The following EPM2A variants were observed in gnomAD, a reference collection of about 807,000 sequenced individuals.
EPM2A encodes the protein laforin.
A neutral mutation model predicts 26.5 loss-of-function variants in EPM2A; 21 were observed. The observed-to-expected ratio is 0.79, with a 90% CI of 0.56 to 1.14. The LOEUF (loss-of-function observed/expected upper bound fraction) is 1.14, where lower values mean the gene tolerates loss of function less well. Among genes scored for constraint, EPM2A ranks in the 50% most tolerant of loss-of-function variants. The probability of loss-of-function intolerance (pLI) is 0.00; values close to 1 mark genes in which losing one functional copy is unlikely to be tolerated. For missense variants in EPM2A, 458 were observed against 440.8 expected, an observed-to-expected ratio of 1.04 and a Z score of -0.35; for synonymous variants, 217 against 177.6, an observed-to-expected ratio of 1.22 and a Z score of -1.76.
intron 2 of EPM2A, chr6:145,637,042 G>A (rs989003043): frequency 6.6e-6 from 1 of 151,952 alleles, no homozygotes; most frequent in Non-Finnish European, 1.5e-5. Flanking sequence ...CTTTAGAATG[G>A]GTCTAAAAAT....
intron 4 of EPM2A, among the ~76,000 whole-genome samples, chr6:145,397,499 G>A (rs759884324): frequency 4.6e-5 from 7 of 152,108 alleles, no homozygotes; most frequent in Non-Finnish European, 8.8e-5. Flanking sequence ...TACGCCTTTA[G>A]AACAAGAAAT....
chr6:145,625,818 T>C lies in EPM2A; in HGVS notation c.*1598A>G. ...TGAAACTTACCTTGTATCCTTCTTGTCCCCCACGCCTTCTAAATAAGAGTC... is the reference window on the plus strand; with the variant it reads ...TGAAACTTACCTTGTATCCTTCTTGCCCCCCACGCCTTCTAAATAAGAGTC... On this transcript the variant is annotated 3_prime_UTR_variant, in exon 4 of 4. Transcript: ENST00000367519. 1 of 1,546,386 alleles carries C rather than the reference T, an allele frequency of 6.5e-7. No homozygotes were observed. Among genetic ancestry groups the C allele is most frequent in the Non-Finnish European group, 8.8e-7 (1 of 1,139,006 alleles).
intron 4 of EPM2A, among the ~76,000 whole-genome samples, chr6:145,485,585 G>T (rs1037273877): frequency 6.6e-6 from 1 of 152,164 alleles, no homozygotes; most frequent in African/African-American, 2.4e-5. Context: ...ATGGAGTGAG[G>T]TGTTGGTCCT....
chr6:145,485,911 A>G (rs1779665318), intron 4 of EPM2A, among the ~76,000 whole-genome samples: 1 of 152,180 alleles, frequency 6.6e-6, no homozygotes, highest in African/African-American at 2.4e-5. Context: ...ATCTTGTGAG[A>G]CTTATTCATT....
intron 2 of EPM2A, among the ~76,000 whole-genome samples, chr6:145,527,128 T>C (rs1780285921): frequency 6.6e-6 from 1 of 152,108 alleles, no homozygotes; most frequent in Admixed American, 6.6e-5. Flanking sequence ...TTCTATTTTA[T>C]TCCACTGTGT....
At chr6:145,418,150 A>G (rs72994766) in intron 4 of EPM2A, among the ~76,000 whole-genome samples, 16,740 of 152,248 alleles carry the variant, frequency 0.11, 1,184 homozygotes, top group Non-Finnish European at 0.17. Context: ...TGTATGTGAT[A>G]TGCTTCTCAG....
At chr6:145,575,814 C>T (rs1562388497) in intron 2 of EPM2A, among the ~76,000 whole-genome samples, 1 of 152,176 alleles carries the variant, frequency 6.6e-6, no homozygotes, top group Non-Finnish European at 1.5e-5. Flanking sequence ...AAGCAGCCAA[C>T]TCTAGAAACC....
Position 145,551,874 on chromosome 6 carries a change from G to A in EPM2A, c.341-49299C>T, listed in dbSNP as rs1340073734. 3.4e-5 allele frequency among the ~76,000 whole-genome samples: 5 copies of A among 145,784 alleles called. No individual in the cohort carries two copies. In the East Asian group the frequency reaches 1.0e-3, roughly 29 times the overall value. Reference sequence around the variant, plus strand: ...TATGTACTTAAACTTTTTTTTTTTTGTAAAAGAAACTTGGAAGCATGAACA... The same window carrying A: ...TATGTACTTAAACTTTTTTTTTTTTATAAAAGAAACTTGGAAGCATGAACA... On this transcript the variant is annotated intron_variant, in intron 2 of 3. Coordinates refer to the EPM2A transcript ENST00000450221.
chr6:145,729,574 G>T (rs558811700), intron 1 of EPM2A, among the ~76,000 whole-genome samples: 3 of 152,278 alleles, frequency 2.0e-5, no homozygotes, highest in Admixed American at 1.3e-4. Context: ...TAACCCCTTT[G>T]TTTTGACTAA....
intron 4 of EPM2A, among the ~76,000 whole-genome samples, chr6:145,487,998 A>G (rs437978): frequency 0.43 from 65,066 of 151,874 alleles, 14,050 homozygotes; most frequent in South Asian, 0.56. Flanking sequence ...TTTTGTATAC[A>G]GTTTAAGGAA....
chr6:145,735,209 A>C lies in EPM2A; in HGVS notation c.290T>G (p.Leu97Arg), dbSNP rs1386913118. Residue 97 changes from leucine to arginine, a missense_variant, in exon 1 of 4, where the codon CTC (leucine) becomes CGC (arginine). Coordinates refer to ENST00000367519, the MANE Select transcript of EPM2A (RefSeq NM_005670.4). Reference protein sequence around the residue: ...KFLKREPGGELSWEGNGPHHD... With the variant: ...KFLKREPGGERSWEGNGPHHD... ...TCTGCTGGCAATACCTTCCCAGGAG[A>C]GCTCTCCTCCCGGCTCCCGCTTCAG... The C allele has an allele frequency of 2.0e-6, 3 of 1,525,298 alleles. No homozygotes were observed. The highest frequency in any genetic ancestry group is 2.6e-6 in the Non-Finnish European group (3 of 1,134,042). 94.5% of individuals were successfully genotyped at this position (1,525,298 alleles called of 1,614,324 possible). A position where few individuals can be genotyped will look rare whatever the true frequency, so the allele number is the denominator to read the frequency against.
At position 145,625,763 on chromosome 6, in the gene EPM2A, A is replaced by G. The variant is rs769226603; in HGVS notation, c.*1653T>C. 8.6e-7 allele frequency: 1 copy of G among 1,164,142 alleles called. No homozygotes were observed. Among genetic ancestry groups the G allele is most frequent in the Admixed American group, 1.7e-5 (1 of 58,360 alleles). The allele number at this position is 1,164,142 out of a possible 1,614,324, so 72.1% of individuals were successfully genotyped here. ...AAATGTCATCTCCCCTAAGTGCCACAGTTCTATCTCCCCGTCCTCTGAGCT... is the reference window on the plus strand; with the variant it reads ...AAATGTCATCTCCCCTAAGTGCCACGGTTCTATCTCCCCGTCCTCTGAGCT... On this transcript the variant is annotated 3_prime_UTR_variant, in exon 4 of 4. Coordinates refer to ENST00000367519, the MANE Select transcript of EPM2A (RefSeq NM_005670.4).
chr6:145,616,331 T>G (rs1260411171), intron 2 of EPM2A, among the ~76,000 whole-genome samples: 1 of 152,160 alleles, frequency 6.6e-6, no homozygotes, highest in Non-Finnish European at 1.5e-5. Context: ...TGCACAGAAG[T>G]CAAGAATAGG....
downstream of EPM2A, among the ~76,000 whole-genome samples, chr6:145,496,996 T>C (rs1779830346): frequency 6.6e-6 from 1 of 152,228 alleles, no homozygotes; most frequent in African/African-American, 2.4e-5. Flanking sequence ...TGCATTGAGT[T>C]AGAATGTGCT....
chr6:145,632,662 G>A (rs1165319565), intron 3 of EPM2A, among the ~76,000 whole-genome samples: 1 of 152,306 alleles, frequency 6.6e-6, no homozygotes, highest in East Asian at 1.9e-4. Context: ...CTAACAAACT[G>A]TCTTCTTTCT....
chr6:145,530,994 C>G (rs1035950295), intron 2 of EPM2A, among the ~76,000 whole-genome samples: 5 of 152,148 alleles, frequency 3.3e-5, no homozygotes, highest in Non-Finnish European at 5.9e-5. Context: ...CTCTCTATAG[C>G]TAATTGCTCA....
At chr6:145,403,532 C>T (rs1332576850) in intron 4 of EPM2A, among the ~76,000 whole-genome samples, 6 of 152,006 alleles carry the variant, frequency 3.9e-5, no homozygotes, top group Non-Finnish European at 7.4e-5. Flanking sequence ...GTCTTTCTGT[C>T]CTGGCTTATT....
At chr6:145,506,229 A>C (rs1190764800) in intron 2 of EPM2A, among the ~76,000 whole-genome samples, 1 of 152,120 alleles carries the variant, frequency 6.6e-6, no homozygotes, top group Non-Finnish European at 1.5e-5. Flanking sequence ...TTTTAAATGA[A>C]CTCCACGTAG....
chr6:145,407,275 C>T (rs1778581839), intron 4 of EPM2A, among the ~76,000 whole-genome samples: 1 of 152,066 alleles, frequency 6.6e-6, no homozygotes, highest in Non-Finnish European at 1.5e-5. Flanking sequence ...AAAACACTGG[C>T]TGTAATTTGA....
Sources: gnomAD v4.1 joint callset for allele counts (sites outside exome capture counted in the v4.1 genomes callset) on GRCh38, gnomAD v4.1.1 for gene constraint, MANE v1.5 for transcripts, NCBI Gene and HGNC (gene_info 2026-07-23, HGNC 2026-07-21) for gene names.